ERBB4: variants seen among roughly 807,000 people sequenced by gnomAD.
ERBB4 encodes the protein receptor tyrosine-protein kinase erbB-4.
ERBB4 carries 42 observed loss-of-function variants against 158.0 expected under a neutral mutation model. The ratio of observed to expected loss-of-function variants is 0.27; its 90% CI spans 0.21 to 0.34. The LOEUF (loss-of-function observed/expected upper bound fraction) is 0.34, where lower values mean the gene tolerates loss of function less well. Among genes scored for constraint, ERBB4 ranks in the 10% least tolerant of loss-of-function variants. The pLI, the probability that ERBB4 is intolerant of heterozygous loss-of-function variation, is 1.00. For missense variants in ERBB4, 1,333 were observed against 1,624.1 expected (o/e 0.82, Z 3.08); for synonymous variants, 583 against 558.7 (o/e 1.04, Z -0.61).
chr2:212,311,120 T>C (rs973212671), intron 1 of ERBB4, among the ~76,000 whole-genome samples: 2 of 150,832 alleles, frequency 1.3e-5, no homozygotes, highest in Admixed American at 6.6e-5. Flanking sequence ...GACTAGGACA[T>C]TACTTGATAC....
chr2:212,176,101 T>C lies in ERBB4; in HGVS notation c.83-51198A>G, dbSNP rs142721621. On this transcript the variant is annotated intron_variant, in intron 1 of 27. Transcript: ENST00000342788. ...TAAGTTTAGAGTACAAACTCCTCAGTAGAATTTCAGGGCATGTTCATGATC... is the reference window on the plus strand; with the variant it reads ...TAAGTTTAGAGTACAAACTCCTCAGCAGAATTTCAGGGCATGTTCATGATC... Among the ~76,000 whole-genome samples, 265 of 152,152 alleles carry C rather than the reference T, an allele frequency of 1.7e-3. 1 individual carries two copies. The highest frequency in any genetic ancestry group is 6.8e-3 in the Middle Eastern group (2 of 294).
chr2:211,858,475 G>A (rs1297331215), intron 3 of ERBB4, among the ~76,000 whole-genome samples: 1 of 152,124 alleles, frequency 6.6e-6, no homozygotes, highest in Non-Finnish European at 1.5e-5. Context: ...TCCTCAGCAT[G>A]GTTTGATTTA....
At chr2:212,412,704 T>C (rs889113250) in intron 1 of ERBB4, among the ~76,000 whole-genome samples, 3 of 152,218 alleles carry the variant, frequency 2.0e-5, no homozygotes, top group Middle Eastern at 3.2e-3. Context: ...TACCTTGGAA[T>C]GAATTTCCTG....
chr2:212,371,084 G>A (rs892486170), intron 1 of ERBB4, among the ~76,000 whole-genome samples: 13 of 152,124 alleles, frequency 8.5e-5, no homozygotes, highest in Non-Finnish European at 1.8e-4. Context: ...CTCAGTGAAA[G>A]CCTGTTTCTT....
At chr2:212,206,863 C>CA (rs1396831161) in intron 1 of ERBB4, among the ~76,000 whole-genome samples, 5 of 151,820 alleles carry the variant, frequency 3.3e-5, no homozygotes, top group African/African-American at 1.2e-4. Context: ...GCTGGGATTA[C>CA]AGGCATGAGC....
intron 20 of ERBB4, among the ~76,000 whole-genome samples, chr2:211,495,066 G>A (rs2065435722): frequency 4.0e-5 from 6 of 151,850 alleles, no homozygotes. Flanking sequence ...GGGAGATTTA[G>A]GCTATGAAAT....
chr2:212,484,493 G>A (rs1689874748), intron 1 of ERBB4, among the ~76,000 whole-genome samples: 1 of 152,114 alleles, frequency 6.6e-6, no homozygotes, highest in African/African-American at 2.4e-5. Flanking sequence ...ATCTTTTGTT[G>A]CTATCTTAAT....
chr2:211,719,622 G>A (rs906345562), intron 7 of ERBB4, among the ~76,000 whole-genome samples: 16 of 152,140 alleles, frequency 1.1e-4, no homozygotes, highest in South Asian at 4.2e-4. Flanking sequence ...TTGGGAGGCC[G>A]AGGCGGGCTA....
chr2:212,412,541 T>C (rs2091528454), intron 1 of ERBB4, among the ~76,000 whole-genome samples: 1 of 152,206 alleles, frequency 6.6e-6, no homozygotes, highest in African/African-American at 2.4e-5. Context: ...CAGATGCCAG[T>C]GCTATGCTTA....
chr2:211,503,550 T>C (rs2065669962), intron 20 of ERBB4, among the ~76,000 whole-genome samples: 1 of 152,110 alleles, frequency 6.6e-6, no homozygotes, highest in Non-Finnish European at 1.5e-5. Flanking sequence ...AGGAATGGTG[T>C]GACAAGATAG....
intron 1 of ERBB4, among the ~76,000 whole-genome samples, chr2:212,493,166 A>C (rs1213374534): frequency 6.6e-6 from 1 of 151,502 alleles, no homozygotes; most frequent in Admixed American, 6.6e-5. Flanking sequence ...AAAAAGGCTA[A>C]ATTTTATGCT....
At position 211,379,743 on chromosome 2, in the gene ERBB4, T is replaced by A. The variant is rs1266430679; in HGVS notation, c.*3872A>T. On this transcript the variant is annotated 3_prime_UTR_variant, in exon 28 of 28. Coordinates refer to ENST00000342788, the MANE Select transcript of ERBB4 (RefSeq NM_005235.3). ...TTTCTATTACCTTATGAACTACATA[T>A]ACTAGTTAAATTATCAACAATTACA... 4 of 232,090 alleles carry A rather than the reference T, an allele frequency of 1.7e-5. No individual in the cohort carries two copies. Among genetic ancestry groups the A allele is most frequent in the Non-Finnish European group, 3.4e-5 (4 of 117,352 alleles). 14.4% of individuals were successfully genotyped at this position (232,090 alleles called of 1,614,324 possible). A position where few individuals can be genotyped will look rare whatever the true frequency, so the allele number is the denominator to read the frequency against.
At chr2:212,422,748 A>G (rs959165726) in intron 1 of ERBB4, among the ~76,000 whole-genome samples, 1 of 152,126 alleles carries the variant, frequency 6.6e-6, no homozygotes, top group East Asian at 1.9e-4. Context: ...TCATGAAACC[A>G]TTTTTCTTGG....
intron 20 of ERBB4, among the ~76,000 whole-genome samples, chr2:211,488,448 T>C (rs1444283659): frequency 6.6e-6 from 1 of 152,076 alleles, no homozygotes; most frequent in Non-Finnish European, 1.5e-5. Context: ...CCTAAAAGAA[T>C]ATCTGGCAGT....
intron 17 of ERBB4, among the ~76,000 whole-genome samples, chr2:211,629,369 A>G (rs1419256590): frequency 2.0e-5 from 3 of 152,152 alleles, no homozygotes; most frequent in Non-Finnish European, 4.4e-5. Context: ...AAGGAGATCT[A>G]CAAACCACTG....
intron 1 of ERBB4, among the ~76,000 whole-genome samples, chr2:212,295,501 TACTC>T (rs1442275771): frequency 3.9e-5 from 6 of 152,188 alleles, no homozygotes; most frequent in Admixed American, 2.6e-4. Context: ...CATATGCACT[TACTC>T]TTTCATACAC....
intron 2 of ERBB4, among the ~76,000 whole-genome samples, chr2:212,000,400 TCAG>T (rs1270419742): frequency 6.6e-6 from 1 of 151,916 alleles, no homozygotes; most frequent in Non-Finnish European, 1.5e-5. Context: ...GGATGCTACT[TCAG>T]CAGATTTCTT....
chr2:211,431,142 C>A (rs775047206), intron 20 of ERBB4, 42 bp from the exon 21 acceptor site: 51 of 1,587,730 alleles, frequency 3.2e-5, no homozygotes, highest in Non-Finnish European at 4.0e-5. Flanking sequence ...AGTTAATGCC[C>A]AGGTTTTCCC....
chr2:212,529,242 T>C (rs902214218), intron 1 of ERBB4, among the ~76,000 whole-genome samples: 2 of 152,112 alleles, frequency 1.3e-5, no homozygotes, highest in African/African-American at 2.4e-5. Flanking sequence ...AAATGGCAGA[T>C]AAGTAAGAAA....
Sources: gnomAD v4.1 joint callset for allele counts (sites outside exome capture counted in the v4.1 genomes callset) on GRCh38, gnomAD v4.1.1 for gene constraint, MANE v1.5 for transcripts, NCBI Gene and HGNC (gene_info 2026-07-23, HGNC 2026-07-21) for gene names.